USP10: variants seen among roughly 807,000 people sequenced by gnomAD.
USP10 encodes ubiquitin specific peptidase 10.
A neutral mutation model predicts 84.5 loss-of-function variants in USP10; 22 were observed. The ratio of observed to expected loss-of-function variants is 0.26; its 90% CI spans 0.19 to 0.37. The LOEUF (loss-of-function observed/expected upper bound fraction) is 0.37. Ranked by LOEUF, USP10 falls within the 10% of genes least tolerant of loss-of-function variation. The probability of loss-of-function intolerance (pLI) is 1.00; values close to 1 mark genes in which losing one functional copy is unlikely to be tolerated. For synonymous variants in USP10, 454 were observed against 387.6 expected, an observed-to-expected ratio of 1.17 and a Z score of -2.01; for missense variants, 1,019 against 998.9, an observed-to-expected ratio of 1.02 and a Z score of -0.27.
At chr16:84,744,012 A>T (rs911922895) in intron 3 of USP10, among the ~76,000 whole-genome samples, 8 of 152,080 alleles carry the variant, frequency 5.3e-5, no homozygotes, top group African/African-American at 1.9e-4. Flanking sequence ...AATTCAGAAG[A>T]GTGCTCTGAA....
chr16:84,766,477 C>A (rs892641772), intron 10 of USP10, among the ~76,000 whole-genome samples: 1 of 152,250 alleles, frequency 6.6e-6, no homozygotes. Flanking sequence ...AGGCTGTGCC[C>A]TTTGCTCCTT....
chr16:84,732,730 G>A (rs1597325748), intron 1 of USP10: 1 of 299,030 alleles, frequency 3.3e-6, no homozygotes, highest in East Asian at 1.1e-4. Context: ...TTATAGGCGT[G>A]AGCTACTGCG....
chr16:84,717,240 A>G (rs112629629), intron 1 of USP10, among the ~76,000 whole-genome samples: 1 of 152,028 alleles, frequency 6.6e-6, no homozygotes, highest in Admixed American at 6.5e-5. Flanking sequence ...ATGTGTGTAC[A>G]TGCATTCTTT....
intron 2 of USP10, among the ~76,000 whole-genome samples, chr16:84,737,926 T>A (rs1910144018): frequency 6.6e-6 from 1 of 152,250 alleles, no homozygotes; most frequent in Non-Finnish European, 1.5e-5. Context: ...GCCCCGCCTC[T>A]CCACTTGGCT....
chr16:84,727,216 T>A (rs904295410), intron 1 of USP10, among the ~76,000 whole-genome samples: 1 of 152,242 alleles, frequency 6.6e-6, no homozygotes, highest in African/African-American at 2.4e-5. Context: ...TGCTCTGTTA[T>A]GGGCAAAACT....
intron 1 of USP10, among the ~76,000 whole-genome samples, chr16:84,713,055 C>T (rs1343732283): frequency 6.6e-6 from 1 of 152,198 alleles, no homozygotes; most frequent in Non-Finnish European, 1.5e-5. Context: ...ATGGAGCAGC[C>T]AGCCTTTCCA....
intron 4 of USP10, among the ~76,000 whole-genome samples, chr16:84,755,921 T>A (rs535452137): frequency 1.3e-5 from 2 of 152,130 alleles, no homozygotes; most frequent in South Asian, 4.1e-4. Context: ...AAACAAAAAA[T>A]AACCTGCTCA....
intron 1 of USP10, among the ~76,000 whole-genome samples, chr16:84,724,428 G>T (rs142444741): frequency 6.6e-6 from 1 of 152,250 alleles, no homozygotes; most frequent in East Asian, 1.9e-4. Flanking sequence ...TTTAATAGTA[G>T]AAATAGAATA....
At chr16:84,709,630 C>G (rs894390629) in intron 1 of USP10, among the ~76,000 whole-genome samples, 1 of 151,864 alleles carries the variant, frequency 6.6e-6, no homozygotes, top group East Asian at 1.9e-4. Context: ...CGGAGGGTGC[C>G]GTGGAGGTGG....
chr16:84,725,059 G>A (rs1401144140), intron 1 of USP10, among the ~76,000 whole-genome samples: 1 of 152,182 alleles, frequency 6.6e-6, no homozygotes, highest in Non-Finnish European at 1.5e-5. Context: ...TGTGGAGTTT[G>A]TGTATTTGAA....
At position 84,744,833 on chromosome 16, in the gene USP10, C is replaced by G. The variant is rs1275149322; in HGVS notation, c.352C>G (p.Pro118Ala). 2 of 1,613,710 alleles carry G rather than the reference C, an allele frequency of 1.2e-6. No individual in the cohort carries two copies. ...CTATGGCTCCATCGACTGCCAGTAC[C>G]CAGGCTCTGCCCTCGCTTTGGATGG... Reference protein sequence around the residue: ...ASYGSIDCQYPGSALALDGSS... With the variant: ...ASYGSIDCQYAGSALALDGSS... Residue 118 changes from proline to alanine, a missense_variant, in exon 4 of 14, where the codon CCA becomes GCA. By Grantham distance (27) the Pro-to-Ala change is conservative. Coordinates refer to ENST00000219473, the MANE Select transcript of USP10 (RefSeq NM_005153.3).
Position 84,779,250 on chromosome 16 carries a change from C to A in USP10, c.*168C>A. ...TTGGGGTTCGTGCACAACACAGCTT[C>A]TGTTGACTCTAACTTCCAAATCAAA... On this transcript the variant is annotated 3_prime_UTR_variant, in exon 14 of 14. Coordinates refer to ENST00000219473, the MANE Select transcript of USP10 (RefSeq NM_005153.3). 1 of 630,850 alleles carries A rather than the reference C, an allele frequency of 1.6e-6. No homozygotes were observed. The highest frequency in any genetic ancestry group is 2.6e-6 in the Non-Finnish European group (1 of 389,672). The allele number at this position is 630,850 out of a possible 1,614,324, so 39.1% of individuals were successfully genotyped here.
chr16:84,739,370 C>T (rs960665179), intron 2 of USP10, among the ~76,000 whole-genome samples: 1 of 152,118 alleles, frequency 6.6e-6, no homozygotes, highest in Non-Finnish European at 1.5e-5. Flanking sequence ...CCCCCAGGTT[C>T]AAACGATTCT....
At chr16:84,729,699 G>A (rs1054571873) in intron 1 of USP10, among the ~76,000 whole-genome samples, 3 of 152,282 alleles carry the variant, frequency 2.0e-5, no homozygotes, top group Admixed American at 6.5e-5. Flanking sequence ...AAGTGTAACT[G>A]CTCACTTTTA....
At chr16:84,763,806 G>T (rs147836854) in intron 9 of USP10, among the ~76,000 whole-genome samples, 4 of 152,032 alleles carry the variant, frequency 2.6e-5, no homozygotes, top group African/African-American at 9.7e-5. Context: ...GCGATTGGTT[G>T]CCGTGGATCC....
At chr16:84,713,771 A>G (rs1347608907) in intron 1 of USP10, among the ~76,000 whole-genome samples, 1 of 152,190 alleles carries the variant, frequency 6.6e-6, no homozygotes, top group Non-Finnish European at 1.5e-5. Context: ...ACCTTGGCTC[A>G]TGTTTGTGAG....
chr16:84,747,024 G>A (rs1218853410), intron 4 of USP10, among the ~76,000 whole-genome samples: 1 of 152,210 alleles, frequency 6.6e-6, no homozygotes, highest in Non-Finnish European at 1.5e-5. Flanking sequence ...AGGGTCAGGA[G>A]CATCAAGACG....
rs113692620 is a variant in USP10 at position 84,745,788 on chromosome 16, A to G, written c.1192+115A>G. The stretch of plus-strand genomic sequence containing the variant: ...GCAGATTACCTGTGTGTTAATAGCA[A>G]CGTCTGAAGGATGCCTATGTCTTAA... On this transcript the variant is annotated intron_variant, in intron 4 of 13. Transcript: ENST00000219473. 839 of 1,084,800 alleles carry G rather than the reference A, an allele frequency of 7.7e-4. 1 individual carries two copies. The highest frequency in any genetic ancestry group is 4.6e-3 in the Middle Eastern group (22 of 4,734). 67.2% of individuals were successfully genotyped at this position (1,084,800 alleles called of 1,614,324 possible).
intron 1 of USP10, among the ~76,000 whole-genome samples, chr16:84,712,629 C>T (rs780311762): frequency 3.0e-4 from 46 of 152,198 alleles, no homozygotes; most frequent in Non-Finnish European, 5.4e-4. Flanking sequence ...GCAGATTTGC[C>T]GTCTATAGAA....
Sources: gnomAD v4.1 joint callset for allele counts (sites outside exome capture counted in the v4.1 genomes callset) on GRCh38, gnomAD v4.1.1 for gene constraint, MANE v1.5 for transcripts, NCBI Gene and HGNC (gene_info 2026-07-23, HGNC 2026-07-21) for gene names.